ANGPT1: variants seen among roughly 807,000 people sequenced by gnomAD.
ANGPT1 encodes the protein angiopoietin 1.
A neutral mutation model predicts 62.2 loss-of-function variants in ANGPT1; 17 were observed. The observed-to-expected ratio is 0.27, with a 90% CI of 0.19 to 0.41. The LOEUF is 0.41. Ranked by LOEUF, ANGPT1 falls within the 10% of genes least tolerant of loss-of-function variation. The probability of loss-of-function intolerance (pLI) is 1.00; values close to 1 mark genes in which losing one functional copy is unlikely to be tolerated. For synonymous variants in ANGPT1, 199 were observed against 198.9 expected, an observed-to-expected ratio of 1.00 and a Z score of 0.00; for missense variants, 478 against 594.9, an observed-to-expected ratio of 0.80 and a Z score of 2.04.
chr8:107,386,763 G>A (rs1180968943), intron 1 of ANGPT1, among the ~76,000 whole-genome samples: 1 of 151,984 alleles, frequency 6.6e-6, no homozygotes, highest in Non-Finnish European at 1.5e-5. Context: ...TAAAGTCTTA[G>A]CAAATGTTAG....
chr8:107,333,194 T>C (rs868024846), intron 3 of ANGPT1, among the ~76,000 whole-genome samples: 4 of 152,170 alleles, frequency 2.6e-5, no homozygotes, highest in Non-Finnish European at 5.9e-5. Flanking sequence ...TGGAAGACTA[T>C]GTCTAATTTA....
At chr8:107,459,694 T>C (rs1812017093) in intron 1 of ANGPT1, among the ~76,000 whole-genome samples, 1 of 152,078 alleles carries the variant, frequency 6.6e-6, no homozygotes, top group Admixed American at 6.6e-5. Context: ...CTTCGGTACA[T>C]GGTCCAACAT....
chr8:107,254,457 C>CA (rs1482625222), intron 8 of ANGPT1, among the ~76,000 whole-genome samples: 2 of 151,516 alleles, frequency 1.3e-5, no homozygotes, highest in Non-Finnish European at 2.9e-5. Flanking sequence ...CTGTTATTGA[C>CA]AAAAAACGCA....
chr8:107,320,702 A>G (rs1815129957), intron 4 of ANGPT1, among the ~76,000 whole-genome samples: 1 of 152,118 alleles, frequency 6.6e-6, no homozygotes, highest in Non-Finnish European at 1.5e-5. Flanking sequence ...TTACTTTACA[A>G]AGCATATTAA....
At chr8:107,475,522 A>G (rs894640939) in intron 1 of ANGPT1, among the ~76,000 whole-genome samples, 6 of 152,178 alleles carry the variant, frequency 3.9e-5, no homozygotes, top group Non-Finnish European at 7.4e-5. Context: ...GGACATAGGC[A>G]TGGGCAAGGA....
At chr8:107,414,296 T>C (rs1311767565) in intron 1 of ANGPT1, among the ~76,000 whole-genome samples, 2 of 152,194 alleles carry the variant, frequency 1.3e-5, no homozygotes, top group East Asian at 3.9e-4. Context: ...TGCATTATTA[T>C]GTATTGTATA....
chr8:107,447,738 A>G (rs1427131193), intron 1 of ANGPT1, among the ~76,000 whole-genome samples: 1 of 152,196 alleles, frequency 6.6e-6, no homozygotes, highest in Non-Finnish European at 1.5e-5. Context: ...CTCCTAGGCA[A>G]TGAAATATTC....
chr8:107,296,099 A>T (rs1814408422), intron 5 of ANGPT1, among the ~76,000 whole-genome samples: 1 of 152,148 alleles, frequency 6.6e-6, no homozygotes, highest in Admixed American at 6.6e-5. Context: ...ATTGGGAATA[A>T]TCTGCTTAAA....
chr8:107,257,550 A>G (rs1169078923), intron 8 of ANGPT1, among the ~76,000 whole-genome samples: 1 of 152,210 alleles, frequency 6.6e-6, no homozygotes, highest in African/African-American at 2.4e-5. Context: ...ATGAAAAGGT[A>G]TATTTGTTTT....
chr8:107,407,365 A>G (rs780009575), intron 1 of ANGPT1, among the ~76,000 whole-genome samples: 4 of 152,180 alleles, frequency 2.6e-5, no homozygotes, highest in Non-Finnish European at 5.9e-5. Flanking sequence ...CTGTATGTAA[A>G]TACCGAGGAT....
At chr8:107,353,279 A>G (rs1020296855) in intron 1 of ANGPT1, among the ~76,000 whole-genome samples, 1 of 152,162 alleles carries the variant, frequency 6.6e-6, no homozygotes, top group African/African-American at 2.4e-5. Context: ...TGAGGTTCAG[A>G]GAGGTTATAG....
chr8:107,405,075 TTG>T (rs1242360886), intron 1 of ANGPT1, among the ~76,000 whole-genome samples: 2 of 151,922 alleles, frequency 1.3e-5, no homozygotes, highest in African/African-American at 4.8e-5. Flanking sequence ...TATATATTAA[TTG>T]TAGTAAATTT....
At chr8:107,419,471 C>T (rs746967777) in intron 1 of ANGPT1, among the ~76,000 whole-genome samples, 4 of 152,110 alleles carry the variant, frequency 2.6e-5, no homozygotes, top group Non-Finnish European at 5.9e-5. Flanking sequence ...CCCTTTTGTC[C>T]TCCAATCACA....
chr8:107,480,810 T>C (rs576058152), intron 1 of ANGPT1, among the ~76,000 whole-genome samples: 1 of 152,182 alleles, frequency 6.6e-6, no homozygotes, highest in Non-Finnish European at 1.5e-5. Flanking sequence ...TAAAGCTTTC[T>C]TTGAAGAATT....
chr8:107,297,325 A>G (rs1244713554), intron 5 of ANGPT1, among the ~76,000 whole-genome samples: 1 of 152,036 alleles, frequency 6.6e-6, no homozygotes, highest in African/African-American at 2.4e-5. Context: ...CTTGAGTGCT[A>G]CATTGCCTGA....
chr8:107,490,006 A>T (rs1415742900), intron 1 of ANGPT1, among the ~76,000 whole-genome samples: 2 of 152,174 alleles, frequency 1.3e-5, no homozygotes, highest in Non-Finnish European at 2.9e-5. Flanking sequence ...ATCCACACAG[A>T]GACAAGGCTG....
At chr8:107,273,783 AT>A (rs201373120) in intron 7 of ANGPT1, among the ~76,000 whole-genome samples, 10 of 150,696 alleles carry the variant, frequency 6.6e-5, no homozygotes, top group East Asian at 3.9e-4. Flanking sequence ...ATTGACCACT[AT>A]TTTTTTTTAA....
intron 1 of ANGPT1, among the ~76,000 whole-genome samples, chr8:107,412,679 C>G (rs1309790677): frequency 6.6e-6 from 1 of 152,104 alleles, no homozygotes; most frequent in Admixed American, 6.6e-5. Flanking sequence ...ATGAATACAT[C>G]CCCTGCCTTC....
intron 6 of ANGPT1, among the ~76,000 whole-genome samples, chr8:107,289,738 T>C (rs1033402985): frequency 6.6e-6 from 1 of 152,158 alleles, no homozygotes; most frequent in African/African-American, 2.4e-5. Context: ...ACTGAAATTT[T>C]TGAGTGGATA....
Sources: gnomAD v4.1 joint callset for allele counts (sites outside exome capture counted in the v4.1 genomes callset) on GRCh38, gnomAD v4.1.1 for gene constraint, MANE v1.5 for transcripts, NCBI Gene and HGNC (gene_info 2026-07-23, HGNC 2026-07-21) for gene names.